RAB11FIP4: variants seen among roughly 807,000 people sequenced by gnomAD.
The protein encoded by RAB11FIP4 is RAB11 family interacting protein 4.
RAB11FIP4 carries 23 observed loss-of-function variants against 74.3 expected under a neutral mutation model. The observed-to-expected ratio is 0.31, with a 90% CI of 0.22 to 0.44. The LOEUF (loss-of-function observed/expected upper bound fraction) is 0.44. Ranked by LOEUF, RAB11FIP4 falls within the 20% of genes least tolerant of loss-of-function variation. RAB11FIP4 has a pLI of 1.00. For missense variants in RAB11FIP4, 630 were observed against 863.9 expected, an observed-to-expected ratio of 0.73 and a Z score of 3.39; for synonymous variants, 360 against 359.9, an observed-to-expected ratio of 1.00 and a Z score of 0.00.
At chr17:31,513,491 C>T (rs893858648) in intron 3 of RAB11FIP4, among the ~76,000 whole-genome samples, 1 of 152,134 alleles carries the variant, frequency 6.6e-6, no homozygotes, top group Admixed American at 6.5e-5. Flanking sequence ...GACCCTTCCC[C>T]AGAGGGCCGG....
intron 3 of RAB11FIP4, among the ~76,000 whole-genome samples, chr17:31,499,783 T>A (rs984840740): frequency 6.6e-6 from 1 of 152,148 alleles, no homozygotes; most frequent in African/African-American, 2.4e-5. Flanking sequence ...TTTCTCTGAG[T>A]TGTGGCTCCA....
chr17:31,516,397 T>A (rs976636313), intron 3 of RAB11FIP4, among the ~76,000 whole-genome samples: 1 of 152,090 alleles, frequency 6.6e-6, no homozygotes, highest in Non-Finnish European at 1.5e-5. Context: ...GTGTCCAGGT[T>A]CTTAGCGTCT....
At chr17:31,463,832 GA>G (rs2071657167) in intron 3 of RAB11FIP4, among the ~76,000 whole-genome samples, 1 of 6,134 alleles carries the variant, frequency 1.6e-4, no homozygotes, top group Admixed American at 1.5e-3. Flanking sequence ...TTTTTTTTTT[GA>G]GACAGAGTCT....
At chr17:31,494,506 C>T (rs1385385817) in intron 3 of RAB11FIP4, among the ~76,000 whole-genome samples, 2 of 152,044 alleles carry the variant, frequency 1.3e-5, no homozygotes, top group East Asian at 1.9e-4. Context: ...AATGTCTTGC[C>T]GGGGAGTGTC....
chr17:31,400,786 G>A (rs1293500778), intron 1 of RAB11FIP4, among the ~76,000 whole-genome samples: 3 of 152,330 alleles, frequency 2.0e-5, no homozygotes, highest in Non-Finnish European at 2.9e-5. Context: ...ACGTTGGCCT[G>A]TGAGACCTGA....
At chr17:31,472,182 G>A (rs1390096407) in intron 3 of RAB11FIP4, among the ~76,000 whole-genome samples, 1 of 149,170 alleles carries the variant, frequency 6.7e-6, no homozygotes, top group East Asian at 2.0e-4. Context: ...AAAAAATGCA[G>A]AGTCACAGAA....
At position 31,531,849 on chromosome 17, in the gene RAB11FIP4, C is replaced by T; in HGVS notation, c.*117C>T. The T allele has an allele frequency of 1.4e-6, 1 of 717,300 alleles. No homozygotes were observed. The highest frequency in any genetic ancestry group is 2.5e-5 in the East Asian group (1 of 40,598). 44.4% of individuals were successfully genotyped at this position (717,300 alleles called of 1,614,324 possible). A position where few individuals can be genotyped will look rare whatever the true frequency, so the allele number is the denominator to read the frequency against. ...ACACTGTAAATGTCTCTCTGGCCAC[C>T]ATGCGTTACGTGTACCCGTGTATAT... On this transcript the variant is annotated 3_prime_UTR_variant, in exon 15 of 15. Transcript: ENST00000621161.
chr17:31,465,723 C>G (rs1306248888), intron 3 of RAB11FIP4: 3 of 151,856 alleles, frequency 2.0e-5, no homozygotes, highest in Admixed American at 1.3e-4. Context: ...GGTGAACAAG[C>G]CCAGGTCAAA....
chr17:31,517,222 G>GGGGGGGGGGGGGGA (rs2072573853), intron 3 of RAB11FIP4, among the ~76,000 whole-genome samples: 2 of 95,578 alleles, frequency 2.1e-5, no homozygotes, highest in Non-Finnish European at 2.2e-5. Flanking sequence ...GGGCGGGGGG[G>GGGGGGGGGGGGGGA]AAGGGGATGC....
In RAB11FIP4 at chr17:31,466,220, C is replaced by T. The variant is rs1438397756; in HGVS notation, c.336+32098C>T. 5.3e-5 allele frequency among the ~76,000 whole-genome samples: 8 copies of T among 152,052 alleles called. No individual in the cohort carries two copies. The East Asian group carries it at 1.5e-3, about 29-fold the overall frequency. On this transcript the variant is annotated intron_variant, in intron 3 of 14. Transcript: ENST00000621161. ...ATTGCTTATCTGGTGCACTTGAGGACAGTGGGTCCCAGGGGAAGGAGGCAG... is the reference window on the plus strand; with the variant it reads ...ATTGCTTATCTGGTGCACTTGAGGATAGTGGGTCCCAGGGGAAGGAGGCAG...
At chr17:31,471,139 T>C (rs2071732530) in intron 3 of RAB11FIP4, among the ~76,000 whole-genome samples, 1 of 151,682 alleles carries the variant, frequency 6.6e-6, no homozygotes. Context: ...CATGGCTCAC[T>C]GCAGCCTTGG....
chr17:31,462,120 G>T (rs563875657), intron 3 of RAB11FIP4, among the ~76,000 whole-genome samples: 1 of 152,162 alleles, frequency 6.6e-6, no homozygotes, highest in South Asian at 2.1e-4. Flanking sequence ...AAAATTAGCT[G>T]GATGTGGTGG....
At chr17:31,511,629 C>G (rs1297880487) in intron 3 of RAB11FIP4, among the ~76,000 whole-genome samples, 2 of 152,220 alleles carry the variant, frequency 1.3e-5, no homozygotes, top group African/African-American at 2.4e-5. Flanking sequence ...TCCATGTACT[C>G]TGTGTGTCAG....
At chr17:31,503,036 T>TATTATTATTATTTTG (rs141212580) in intron 3 of RAB11FIP4, among the ~76,000 whole-genome samples, 1 of 151,318 alleles carries the variant, frequency 6.6e-6, no homozygotes, top group African/African-American at 2.4e-5. Context: ...TTATTATTAT[T>TATTATTATTATTTTG]TTGTTGTTTG....
chr17:31,402,971 C>A (rs2071007367), intron 1 of RAB11FIP4, among the ~76,000 whole-genome samples: 1 of 152,006 alleles, frequency 6.6e-6, no homozygotes, highest in South Asian at 2.1e-4. Flanking sequence ...CCTCAGTTTC[C>A]TTATCTGTAA....
At chr17:31,521,817 A>T in intron 5 of RAB11FIP4, 98 bp from the exon 6 acceptor site, 1 of 1,394,010 alleles carries the variant, frequency 7.2e-7, no homozygotes, top group Non-Finnish European at 1.0e-6. Context: ...CAAGGTTCAA[A>T]GGTACTGGGG....
chr17:31,502,450 G>C (rs1373430148), intron 3 of RAB11FIP4, among the ~76,000 whole-genome samples: 6 of 151,820 alleles, frequency 4.0e-5, no homozygotes, highest in Non-Finnish European at 8.8e-5. Context: ...GTGCTGGTGG[G>C]CACCTGTAAT....
chr17:31,423,692 C>T (rs2071220963), intron 1 of RAB11FIP4, among the ~76,000 whole-genome samples: 1 of 152,176 alleles, frequency 6.6e-6, no homozygotes, highest in African/African-American at 2.4e-5. Context: ...GTTCAGTCTA[C>T]ACTGTAGTTC....
At chr17:31,400,430 G>C (rs1337233805) in intron 1 of RAB11FIP4, among the ~76,000 whole-genome samples, 1 of 152,208 alleles carries the variant, frequency 6.6e-6, no homozygotes, top group East Asian at 1.9e-4. Flanking sequence ...CCCTGCAGGG[G>C]CTTTGGCTTT....
Sources: gnomAD v4.1 joint callset for allele counts (sites outside exome capture counted in the v4.1 genomes callset) on GRCh38, gnomAD v4.1.1 for gene constraint, MANE v1.5 for transcripts, NCBI Gene and HGNC (gene_info 2026-07-23, HGNC 2026-07-21) for gene names.